MAMDC2: variants seen among roughly 807,000 people sequenced by gnomAD.
MAMDC2 encodes the protein MAM domain containing 2.
In MAMDC2, 57 loss-of-function variants were observed where a neutral mutation model predicts 89.8. The observed-to-expected ratio is 0.63, with a 90% CI of 0.51 to 0.79. The LOEUF (loss-of-function observed/expected upper bound fraction) is 0.79, where lower values mean the gene tolerates loss of function less well. Among genes scored for constraint, MAMDC2 ranks in the 30% least tolerant of loss-of-function variants. The probability of loss-of-function intolerance (pLI) is 0.00; values close to 1 mark genes in which losing one functional copy is unlikely to be tolerated. For synonymous variants in MAMDC2, 313 were observed against 293.4 expected, an observed-to-expected ratio of 1.07 and a Z score of -0.68; for missense variants, 800 against 820.6, an observed-to-expected ratio of 0.97 and a Z score of 0.31.
chr9:70,137,725 T>G (rs991641778), intron 7 of MAMDC2, among the ~76,000 whole-genome samples: 1 of 152,158 alleles, frequency 6.6e-6, no homozygotes, highest in Non-Finnish European at 1.5e-5. Context: ...ATTCAACACA[T>G]GTCCTCTCTC....
chr9:70,069,661 A>G (rs967766806), intron 2 of MAMDC2, among the ~76,000 whole-genome samples: 4 of 152,176 alleles, frequency 2.6e-5, no homozygotes, highest in African/African-American at 9.7e-5. Flanking sequence ...AAAGGTTCCA[A>G]CTCCTGAGAT....
chr9:70,074,020 A>G (rs990106726), intron 2 of MAMDC2, among the ~76,000 whole-genome samples: 1 of 152,218 alleles, frequency 6.6e-6, no homozygotes, highest in Non-Finnish European at 1.5e-5. Context: ...AAAAACAGAC[A>G]TGTAATAGTT....
intron 11 of MAMDC2, among the ~76,000 whole-genome samples, chr9:70,192,459 A>G (rs1012425719): frequency 2.0e-5 from 3 of 152,112 alleles, no homozygotes; most frequent in African/African-American, 4.8e-5. Context: ...TTCTGTTGAT[A>G]TGTTCTGACT....
intron 2 of MAMDC2, among the ~76,000 whole-genome samples, chr9:70,094,241 C>T (rs568788307): frequency 2.8e-4 from 43 of 152,316 alleles, no homozygotes; most frequent in African/African-American, 7.7e-4. Flanking sequence ...GCATTCAAGA[C>T]GGCTAAGCAA....
chr9:70,202,966 G>T (rs1169882641), intron 11 of MAMDC2, among the ~76,000 whole-genome samples: 1 of 151,698 alleles, frequency 6.6e-6, no homozygotes, highest in African/African-American at 2.4e-5. Context: ...CGTGAGATGG[G>T]TTTCCTGAAT....
At chr9:70,209,996 G>C (rs565047518) in intron 11 of MAMDC2, among the ~76,000 whole-genome samples, 38 of 152,312 alleles carry the variant, frequency 2.5e-4, no homozygotes, top group African/African-American at 9.1e-4. Flanking sequence ...TGTGGTCTGA[G>C]GGACAGTTTG....
chr9:70,223,358 C>A (rs1051642884), intron 12 of MAMDC2, among the ~76,000 whole-genome samples: 1 of 151,984 alleles, frequency 6.6e-6, no homozygotes, highest in Middle Eastern at 3.2e-3. Context: ...AATTATTAAC[C>A]AAAATTATGT....
Position 70,043,957 on chromosome 9 carries a change from A to G in MAMDC2, c.-241A>G, listed in dbSNP as rs1412245455. On this transcript the variant is annotated 5_prime_UTR_variant, in exon 1 of 14. Transcript: ENST00000377182. ...ACCAGCTGGGCCGCGGTCTGACCTGAGGCTGCTGCTCAGCGCCGGGGCGCT... is the reference window on the plus strand; with the variant it reads ...ACCAGCTGGGCCGCGGTCTGACCTGGGGCTGCTGCTCAGCGCCGGGGCGCT... 1.7e-6 allele frequency: 1 copy of G among 596,630 alleles called. No homozygotes were observed. The highest frequency in any genetic ancestry group is 3.0e-6 in the Non-Finnish European group (1 of 335,680). 37.0% of individuals were successfully genotyped at this position (596,630 alleles called of 1,614,324 possible).
intron 9 of MAMDC2, among the ~76,000 whole-genome samples, chr9:70,147,672 GA>G: frequency 6.7e-6 from 1 of 149,910 alleles, no homozygotes; most frequent in South Asian, 2.1e-4. Flanking sequence ...AATTCTCCCA[GA>G]TACACAATTA....
intron 12 of MAMDC2, among the ~76,000 whole-genome samples, chr9:70,221,380 T>TATATATATATATATATATATAGAGAG: frequency 2.8e-4 from 2 of 7,040 alleles, no homozygotes; most frequent in Non-Finnish European, 5.2e-4. Context: ...TATATATATA[T>TATATATATATATATATATATAGAGAG]AGAGAGAGAG....
At chr9:70,219,684 T>G (rs1299218753) in intron 12 of MAMDC2, among the ~76,000 whole-genome samples, 1 of 152,230 alleles carries the variant, frequency 6.6e-6, no homozygotes, top group Non-Finnish European at 1.5e-5. Flanking sequence ...AAAGGCCCAT[T>G]ATCCCAACAT....
Position 70,182,819 on chromosome 9 carries a change from T to C in MAMDC2, c.1651+12188T>C, listed in dbSNP as rs567830539. Among the ~76,000 whole-genome samples the C allele has an allele frequency of 2.2e-4, 33 of 152,326 alleles. No individual in the cohort carries two copies. The South Asian group carries it at 6.6e-3, about 31-fold the overall frequency. ...AAAACCAGCTCCTGGATTCACTGATTTTTTTGAAGGGACTTTCATGTCTCT... is the reference window on the plus strand; with the variant it reads ...AAAACCAGCTCCTGGATTCACTGATCTTTTTGAAGGGACTTTCATGTCTCT... On this transcript the variant is annotated intron_variant, in intron 11 of 13. Transcript: ENST00000377182.
intron 9 of MAMDC2, chr9:70,147,888 T>C (rs980698130): frequency 6.7e-5 from 10 of 150,278 alleles, no homozygotes; most frequent in Admixed American, 2.0e-4. Context: ...TCCACACATT[T>C]CCAAATGGCC....
intron 9 of MAMDC2, among the ~76,000 whole-genome samples, chr9:70,160,437 C>T (rs1053141581): frequency 1.3e-5 from 2 of 151,922 alleles, no homozygotes; most frequent in Non-Finnish European, 2.9e-5. Flanking sequence ...TCATTTTTTT[C>T]AGAGGTTTTT....
Position 70,140,268 on chromosome 9 carries a change from G to A in MAMDC2, c.1118G>A (p.Gly373Glu). ...GTAAAACCAAACATGTATCGGGCTGGAGACCACACTACAGGCTTAGGTAAA... is the reference window on the plus strand; with the variant it reads ...GTAAAACCAAACATGTATCGGGCTGAAGACCACACTACAGGCTTAGGTAAA... The part of the protein sequence containing the change: ...VKVKPNMYRA[G>E]DHTTGLGYYL... Residue 373 changes from glycine (G) to glutamate (E), a missense_variant, in exon 8 of 14, where the codon GGA becomes GAA. Coordinates refer to ENST00000377182, the MANE Select transcript of MAMDC2 (RefSeq NM_153267.5). The A allele has an allele frequency of 1.2e-6, 2 of 1,601,968 alleles. No homozygotes were observed. Among genetic ancestry groups the A allele is most frequent in the Non-Finnish European group, 1.7e-6 (2 of 1,175,510 alleles).
At chr9:70,196,724 A>C (rs2032980534) in intron 11 of MAMDC2, among the ~76,000 whole-genome samples, 1 of 152,120 alleles carries the variant, frequency 6.6e-6, no homozygotes, top group African/African-American at 2.4e-5. Flanking sequence ...TGCATTCATA[A>C]AAGTGCAAAG....
chr9:70,187,977 C>T (rs1234482386), intron 11 of MAMDC2, among the ~76,000 whole-genome samples: 1 of 152,124 alleles, frequency 6.6e-6, no homozygotes, highest in Admixed American at 6.5e-5. Context: ...TTCAAAGTGG[C>T]TGTACCATTT....
chr9:70,081,669 G>A, intron 2 of MAMDC2: 1 of 152,050 alleles, frequency 6.6e-6, no homozygotes, highest in East Asian at 1.9e-4. Flanking sequence ...GTCTTCTCCA[G>A]ACTTCTCTGA....
intron 2 of MAMDC2, among the ~76,000 whole-genome samples, chr9:70,059,176 G>C (rs901084307): frequency 2.6e-5 from 4 of 152,226 alleles, no homozygotes; most frequent in African/African-American, 7.2e-5. Flanking sequence ...AAACACCACA[G>C]AAGCCTGAGA....
Sources: gnomAD v4.1 joint callset for allele counts (sites outside exome capture counted in the v4.1 genomes callset) on GRCh38, gnomAD v4.1.1 for gene constraint, MANE v1.5 for transcripts, NCBI Gene and HGNC (gene_info 2026-07-23, HGNC 2026-07-21) for gene names.